Variants in CCDC7 observed in about 807,000 individuals in gnomAD.
CCDC7 encodes the protein coiled-coil domain containing 7.
A neutral mutation model predicts 196.9 loss-of-function variants in CCDC7; 183 were observed. The observed-to-expected ratio is 0.93, with a 90% confidence interval of 0.82 to 1.05. CCDC7 has a LOEUF of 1.05. CCDC7 is among the 50% of genes least tolerant of loss of function. The pLI, the probability that CCDC7 is intolerant of heterozygous loss-of-function variation, is 0.00. For synonymous variants in CCDC7, 525 were observed against 484.6 expected (o/e 1.08, Z -1.10); for missense variants, 1,540 against 1,482.2 (o/e 1.04, Z -0.64).
At chr10:32,624,111 G>T (rs1018190310) in intron 18 of CCDC7, among the ~76,000 whole-genome samples, 1 of 152,090 alleles carries the variant, frequency 6.6e-6, no homozygotes. Flanking sequence ...CTTATTCAAT[G>T]CACTAGAACA....
chr10:32,467,463 G>C (rs1315009371), intron 5 of CCDC7, among the ~76,000 whole-genome samples: 1 of 152,080 alleles, frequency 6.6e-6, no homozygotes, highest in Non-Finnish European at 1.5e-5. Context: ...ATATGCTTAA[G>C]TTTCTTATAG....
chr10:32,518,284 C>T, intron 10 of CCDC7, 132 bp from the exon 12 acceptor site: 1 of 1,030,282 alleles, frequency 9.7e-7, no homozygotes, highest in African/African-American at 1.7e-5. Context: ...TGTCACTCTA[C>T]AGACTGATAT....
intron 8 of CCDC7, among the ~76,000 whole-genome samples, chr10:32,480,771 G>C (rs1157476198): frequency 6.6e-6 from 1 of 152,138 alleles, no homozygotes; most frequent in South Asian, 2.1e-4. Flanking sequence ...CCTAACACAA[G>C]ATCTGTCCTT....
At chr10:32,854,510 C>A in intron 41 of CCDC7, 21 bp downstream of exon 42, 1 of 1,338,690 alleles carries the variant, frequency 7.5e-7, no homozygotes, top group Non-Finnish European at 1.1e-6. Context: ...CACTACAATA[C>A]AGACATATGA....
intron 18 of CCDC7, among the ~76,000 whole-genome samples, chr10:32,611,686 C>T (rs1409499402): frequency 1.3e-5 from 2 of 152,120 alleles, no homozygotes; most frequent in Non-Finnish European, 1.5e-5. Context: ...GAATCCTTTC[C>T]CCATTGCTTG....
chr10:32,502,145 G>A (rs768421906), intron 9 of CCDC7, among the ~76,000 whole-genome samples: 3 of 152,180 alleles, frequency 2.0e-5, no homozygotes, highest in East Asian at 1.9e-4. Flanking sequence ...TCAAGCCAGC[G>A]GATCTTAGTT....
At chr10:32,637,530 A>G (rs2065872963) in intron 20 of CCDC7, among the ~76,000 whole-genome samples, 1 of 152,206 alleles carries the variant, frequency 6.6e-6, no homozygotes, top group Non-Finnish European at 1.5e-5. Flanking sequence ...GTCAAAGATC[A>G]GATAGTTGTA....
chr10:32,825,725 A>G (rs1332342059), intron 32 of CCDC7, among the ~76,000 whole-genome samples: 2 of 152,146 alleles, frequency 1.3e-5, no homozygotes, highest in Non-Finnish European at 2.9e-5. Flanking sequence ...TACTTCTAAT[A>G]GTGTGGAGAA....
At chr10:32,567,523 G>C (rs1224315855) in intron 14 of CCDC7, 147 bp from the exon 16 acceptor site, 1 of 866,902 alleles carries the variant, frequency 1.2e-6, no homozygotes, top group Non-Finnish European at 1.7e-6. Context: ...ATCAATTATA[G>C]CAATAGCTTA....
chr10:32,518,962 C>T (rs2135541670), intron 11 of CCDC7, among the ~76,000 whole-genome samples: 1 of 152,190 alleles, frequency 6.6e-6, no homozygotes, highest in Non-Finnish European at 1.5e-5. Flanking sequence ...ATTCAAACTA[C>T]AGACAATAAA....
intron 18 of CCDC7, among the ~76,000 whole-genome samples, chr10:32,605,978 A>G (rs1200269339): frequency 6.6e-6 from 1 of 152,240 alleles, no homozygotes; most frequent in Non-Finnish European, 1.5e-5. Context: ...AAGTCATTTC[A>G]GAGATATTCA....
Position 32,511,256 on chromosome 10 carries a change from G to GGGGT in CCDC7, c.873-6686_873-6685insTGGG, listed in dbSNP as rs1564505775. 218 of 660,804 alleles carry GGGGT rather than the reference G, an allele frequency of 3.3e-4. 4 individuals carry two copies. The African/African-American group carries it at 4.7e-3, about 14-fold the overall frequency. 40.9% of individuals were successfully genotyped at this position (660,804 alleles called of 1,614,324 possible). Reference sequence around the variant, plus strand: ...TGTCCTGCCACAGAATTATTCTGTGGGGGGCGGGGGGGGCGGGGAAATGTA... The same window carrying GGGGT: ...TGTCCTGCCACAGAATTATTCTGTGGGGGTGGGGCGGGGGGGGCGGGGAAATGTA... On this transcript the variant is annotated intron_variant, in intron 9 of 41. Transcript: ENST00000639629.
chr10:32,528,671 T>C (rs142487362), intron 11 of CCDC7, among the ~76,000 whole-genome samples: 10,733 of 127,952 alleles, frequency 0.084, 494 homozygotes, highest in East Asian at 0.17. Flanking sequence ...TACACACACA[T>C]ATATATATGC....
intron 13 of CCDC7, among the ~76,000 whole-genome samples, chr10:32,545,758 T>C (rs2052331292): frequency 6.6e-6 from 1 of 151,796 alleles, no homozygotes; most frequent in Admixed American, 6.6e-5. Flanking sequence ...ATACAAAAAT[T>C]AGCTGGGCAT....
intron 28 of CCDC7, among the ~76,000 whole-genome samples, chr10:32,743,837 A>T (rs1165284305): frequency 1.3e-5 from 2 of 152,086 alleles, no homozygotes; most frequent in African/African-American, 4.8e-5. Context: ...TGTCCTTTGT[A>T]GGGACATGGA....
At chr10:32,764,044 T>G (rs1318165168) in intron 28 of CCDC7, among the ~76,000 whole-genome samples, 1 of 151,872 alleles carries the variant, frequency 6.6e-6, no homozygotes, top group African/African-American at 2.4e-5. Flanking sequence ...TATACATATA[T>G]CAAAACACCA....
intron 41 of CCDC7, among the ~76,000 whole-genome samples, chr10:32,855,863 A>G (rs762670357): frequency 6.6e-6 from 1 of 152,224 alleles, no homozygotes; most frequent in Non-Finnish European, 1.5e-5. Context: ...ACAGTATGGT[A>G]CTGGCCTAAA....
intron 13 of CCDC7, among the ~76,000 whole-genome samples, chr10:32,564,574 TCTCA>T (rs1171744243): frequency 6.6e-6 from 1 of 150,808 alleles, no homozygotes; most frequent in Non-Finnish European, 1.5e-5. Flanking sequence ...CACCGCATAT[TCTCA>T]CTCATAGGTG....
At chr10:32,769,409 G>A (rs2078818704) in intron 28 of CCDC7, among the ~76,000 whole-genome samples, 2 of 151,498 alleles carry the variant, frequency 1.3e-5, no homozygotes, top group Admixed American at 1.3e-4. Flanking sequence ...TCTAGATAGT[G>A]ATTTATCAAT....
Sources: allele counts gnomAD v4.1 joint callset (sites outside exome capture counted in the v4.1 genomes callset), GRCh38; gene constraint gnomAD v4.1.1; transcripts MANE v1.5; gene names NCBI Gene and HGNC (gene_info 2026-07-23, HGNC 2026-07-21).